The following UBE2E1 variants were observed in gnomAD, a reference collection of about 807,000 sequenced individuals.
UBE2E1 encodes the protein ubiquitin conjugating enzyme E2 E1.
Under a neutral mutation model 21.4 loss-of-function variants are expected in UBE2E1, and 6 were observed. The observed-to-expected ratio is 0.28, with a 90% CI of 0.15 to 0.55. The LOEUF is 0.55. Ranked by LOEUF, UBE2E1 falls within the 20% of genes least tolerant of loss-of-function variation. The pLI, the probability that UBE2E1 is intolerant of heterozygous loss-of-function variation, is 0.93. For missense variants in UBE2E1, 142 were observed against 236.5 expected (o/e 0.60, Z 2.62); for synonymous variants, 87 against 82.7 (o/e 1.05, Z -0.28).
chr3:23,832,274 G>C (rs1351500345), intron 3 of UBE2E1, among the ~76,000 whole-genome samples: 1 of 152,210 alleles, frequency 6.6e-6, no homozygotes, highest in Non-Finnish European at 1.5e-5. Flanking sequence ...TGACCTGTTG[G>C]AAGAGAATAT....
chr3:23,811,702 GAGA>G (rs1230016021), intron 3 of UBE2E1, among the ~76,000 whole-genome samples, 192 bp downstream of exon 3: 3 of 152,158 alleles, frequency 2.0e-5, no homozygotes, highest in African/African-American at 7.2e-5. Context: ...CAGTACTGTT[GAGA>G]AGAAGTAATG....
In UBE2E1 at chr3:23,810,116, CT is replaced by C. The variant is rs1201551805; in HGVS notation, c.153-1341del. Among the ~76,000 whole-genome samples, 3 of 152,168 alleles carry C rather than the reference CT, an allele frequency of 2.0e-5. No individual in the cohort carries two copies. In the East Asian group the frequency reaches 5.8e-4, roughly 29 times the overall value. On this transcript the variant is annotated intron_variant, in intron 2 of 5. Coordinates refer to ENST00000306627, the MANE Select transcript of UBE2E1 (RefSeq NM_003341.5). The surrounding 1 kb of genome is among the most constrained non-coding windows in gnomAD (Gnocchi z 5.8). The stretch of plus-strand genomic sequence containing the variant: ...AAACCTTTGGAAAGGAAAACGTATC[CT>C]TTGTGAATTAGATTGCTCTGTGTGT...
chr3:23,875,708 G>C (rs1233673224), intron 3 of UBE2E1, among the ~76,000 whole-genome samples: 1 of 152,172 alleles, frequency 6.6e-6, no homozygotes, highest in Admixed American at 6.5e-5. Context: ...CCATAGTTAG[G>C]AAGATATATC....
intron 3 of UBE2E1, among the ~76,000 whole-genome samples, chr3:23,840,487 T>C (rs1352858983): frequency 6.6e-6 from 1 of 152,192 alleles, no homozygotes; most frequent in Admixed American, 6.5e-5. Flanking sequence ...TTTTAAGGCC[T>C]CCTTTTGAAG....
intron 3 of UBE2E1, among the ~76,000 whole-genome samples, chr3:23,851,086 T>C (rs1700315244): frequency 6.6e-6 from 1 of 152,146 alleles, no homozygotes; most frequent in South Asian, 2.1e-4. Context: ...GAAGAAGGGT[T>C]CAGTTTCATT....
chr3:23,807,197 A>G, intron 1 of UBE2E1, 40 bp from the exon 2 acceptor site: 2 of 1,507,238 alleles, frequency 1.3e-6, no homozygotes, highest in Non-Finnish European at 8.9e-7. Context: ...CACTGGCTGC[A>G]TGGTTTGTGT....
At chr3:23,831,459 G>C (rs916441145) in intron 3 of UBE2E1, among the ~76,000 whole-genome samples, 5 of 151,950 alleles carry the variant, frequency 3.3e-5, no homozygotes, top group African/African-American at 1.2e-4. Flanking sequence ...TAAAGTGAAA[G>C]GGTCCAGATG....
At chr3:23,884,572 A>G (rs536420040) in intron 3 of UBE2E1, among the ~76,000 whole-genome samples, 1 of 152,222 alleles carries the variant, frequency 6.6e-6, no homozygotes, top group East Asian at 1.9e-4. Flanking sequence ...ATCTGCATGT[A>G]GTGACATACT....
At chr3:23,874,216 A>C (rs1700867993) in intron 3 of UBE2E1, among the ~76,000 whole-genome samples, 1 of 152,228 alleles carries the variant, frequency 6.6e-6, no homozygotes, top group Non-Finnish European at 1.5e-5. Context: ...CTTAGAATTG[A>C]GTAAAACCTG....
At chr3:23,888,149 C>T (rs908758122) in intron 4 of UBE2E1, 3 of 451,742 alleles carry the variant, frequency 6.6e-6, no homozygotes, top group Non-Finnish European at 1.3e-5. Flanking sequence ...GTCAGGGGGC[C>T]AAACAACTAG....
chr3:23,814,181 C>A (rs73822593), intron 3 of UBE2E1, among the ~76,000 whole-genome samples: 1 of 152,030 alleles, frequency 6.6e-6, no homozygotes, highest in East Asian at 1.9e-4. Flanking sequence ...TATTGCAAAT[C>A]AGTAGAATTG....
In UBE2E1 at chr3:23,808,949, T is replaced by A. The variant is rs1699332627; in HGVS notation, c.152+1528T>A. 1 of 152,212 alleles carries A rather than the reference T, an allele frequency of 6.6e-6. No homozygotes were observed. Among genetic ancestry groups the A allele is most frequent in the Non-Finnish European group, 1.5e-5 (1 of 68,038 alleles). The allele number at this position is 152,212 out of a possible 1,614,324, so 9.4% of individuals were successfully genotyped here. ...ATATCCCTGGTGTACATGAATATATTTGGGGGTAAAGACACAGGTATCAAA... is the reference window on the plus strand; with the variant it reads ...ATATCCCTGGTGTACATGAATATATATGGGGGTAAAGACACAGGTATCAAA... On this transcript the variant is annotated intron_variant, in intron 2 of 5. Coordinates refer to ENST00000306627, the MANE Select transcript of UBE2E1 (RefSeq NM_003341.5). The surrounding 1 kb of genome is among the most constrained non-coding windows in gnomAD (Gnocchi z 4.9).
Position 23,842,342 on chromosome 3 carries a change from G to C in UBE2E1, c.203+30832G>C, listed in dbSNP as rs1257133678. Among the ~76,000 whole-genome samples the C allele has an allele frequency of 1.3e-5, 2 of 151,798 alleles. No individual in the cohort carries two copies. Among genetic ancestry groups the C allele is most frequent in the Admixed American group, 1.3e-4 (2 of 15,230 alleles). On this transcript the variant is annotated intron_variant, in intron 3 of 5. Coordinates refer to ENST00000306627, the MANE Select transcript of UBE2E1 (RefSeq NM_003341.5). The surrounding 1 kb of genome is among the most constrained non-coding windows in gnomAD (Gnocchi z 4.6). ...ACTCACTGCAGCCTCAACCTCATGG[G>C]CTCAGGCAGTCCTCCCACCTCGCCT... is the stretch of plus-strand genomic sequence containing the variant.
chr3:23,809,583 C>T (rs1383913625), intron 2 of UBE2E1, among the ~76,000 whole-genome samples: 1 of 152,186 alleles, frequency 6.6e-6, no homozygotes, highest in African/African-American at 2.4e-5. Context: ...TTTGGAAATG[C>T]AAATGCTGTC....
intron 3 of UBE2E1, among the ~76,000 whole-genome samples, chr3:23,850,514 TA>T (rs780709366): frequency 8.9e-4 from 62 of 69,750 alleles, no homozygotes; most frequent in African/African-American, 3.3e-3. Flanking sequence ...TACTCCTCTT[TA>T]TTATTATTAT....
chr3:23,890,627 A>G lies in UBE2E1; in HGVS notation c.*21A>G, dbSNP rs759443767. On this transcript the variant is annotated 3_prime_UTR_variant, in exon 6 of 6. Transcript: ENST00000306627. ...CATAAATTGGGGTTTCACAATTCTT[A>G]CATTATTTGTCTGTCACAGAAGAGA... The G allele has an allele frequency of 6.2e-7, 1 of 1,608,836 alleles. No homozygotes were observed. The highest frequency in any genetic ancestry group is 8.5e-7 in the Non-Finnish European group (1 of 1,176,678).
At chr3:23,874,962 CTAA>C (rs1299249391) in intron 3 of UBE2E1, among the ~76,000 whole-genome samples, 2 of 152,206 alleles carry the variant, frequency 1.3e-5, no homozygotes, top group Admixed American at 6.5e-5. Flanking sequence ...GCTCACTGTA[CTAA>C]TAACTCCTCA....
chr3:23,842,944 A>G lies in UBE2E1; in HGVS notation c.203+31434A>G, dbSNP rs1358564291. On this transcript the variant is annotated intron_variant, in intron 3 of 5. Coordinates refer to ENST00000306627, the MANE Select transcript of UBE2E1 (RefSeq NM_003341.5). The surrounding 1 kb of genome is among the most constrained non-coding windows in gnomAD (Gnocchi z 4.6). Reference sequence around the variant, plus strand: ...CTATAGTAGCATGATTATGGTAGTTATGGTATAACTTTATACCATAAAATA... The same window carrying G: ...CTATAGTAGCATGATTATGGTAGTTGTGGTATAACTTTATACCATAAAATA... Among the ~76,000 whole-genome samples, 1 of 152,156 alleles carries G rather than the reference A, an allele frequency of 6.6e-6. No individual in the cohort carries two copies. The highest frequency in any genetic ancestry group is 1.5e-5 in the Non-Finnish European group (1 of 68,030).
intron 3 of UBE2E1, among the ~76,000 whole-genome samples, chr3:23,820,209 C>T (rs1467350562): frequency 6.6e-6 from 1 of 152,148 alleles, no homozygotes; most frequent in Non-Finnish European, 1.5e-5. Context: ...TTTTATGCAG[C>T]CATGCTCTAA....
Sources: gnomAD v4.1 joint callset for allele counts (sites outside exome capture counted in the v4.1 genomes callset) on GRCh38, gnomAD v4.1.1 for gene constraint, Gnocchi (gnomAD v3.1) non-coding constraint, MANE v1.5 for transcripts, NCBI Gene and HGNC (gene_info 2026-07-23, HGNC 2026-07-21) for gene names.